The following UNC5C variants were observed in gnomAD, a reference collection of about 807,000 sequenced individuals.
The protein encoded by UNC5C is netrin receptor UNC5C.
A neutral mutation model predicts 99.8 loss-of-function variants in UNC5C; 47 were observed. The ratio of observed to expected loss-of-function variants is 0.47; its 90% confidence interval spans 0.37 to 0.60. The LOEUF (loss-of-function observed/expected upper bound fraction) is 0.60. Among genes scored for constraint, UNC5C ranks in the 20% least tolerant of loss-of-function variants. The probability of loss-of-function intolerance (pLI) is 0.00; values close to 1 mark genes in which losing one functional copy is unlikely to be tolerated. For synonymous variants in UNC5C, 487 were observed against 452.2 expected (o/e 1.08, Z -0.98); for missense variants, 1,062 against 1,165.9 (o/e 0.91, Z 1.30).
intron 12 of UNC5C, among the ~76,000 whole-genome samples, chr4:95,189,471 A>G (rs564923794): frequency 6.6e-6 from 1 of 152,342 alleles, no homozygotes; most frequent in Non-Finnish European, 1.5e-5. Flanking sequence ...CAATGGCAAC[A>G]GAAGCCAAAA....
chr4:95,542,589 C>T (rs1198097703), intron 1 of UNC5C, among the ~76,000 whole-genome samples: 1 of 152,146 alleles, frequency 6.6e-6, no homozygotes, highest in East Asian at 1.9e-4. Context: ...ATTTCAAAAT[C>T]TCATTATATA....
intron 3 of UNC5C, among the ~76,000 whole-genome samples, chr4:95,285,972 T>C (rs577425005): frequency 6.6e-6 from 1 of 152,282 alleles, no homozygotes; most frequent in Admixed American, 6.5e-5. Context: ...GACTATCCAT[T>C]TGACCTTAAG....
intron 1 of UNC5C, among the ~76,000 whole-genome samples, chr4:95,360,777 T>C (rs1744365369): frequency 1.3e-5 from 2 of 152,140 alleles, no homozygotes; most frequent in African/African-American, 2.4e-5. Context: ...ATTTCCTTTC[T>C]CCAAGGCCTC....
At chr4:95,535,271 C>A (rs1415306032) in intron 1 of UNC5C, among the ~76,000 whole-genome samples, 3 of 151,974 alleles carry the variant, frequency 2.0e-5, no homozygotes, top group African/African-American at 7.2e-5. Flanking sequence ...TTAAAACATA[C>A]CAATTTATTT....
chr4:95,523,864 T>C (rs1440011135), intron 1 of UNC5C, among the ~76,000 whole-genome samples: 3 of 152,170 alleles, frequency 2.0e-5, no homozygotes, highest in African/African-American at 7.2e-5. Context: ...AAGCTTTAAT[T>C]CCATTTCTAT....
At chr4:95,271,347 C>T (rs896436070) in intron 4 of UNC5C, among the ~76,000 whole-genome samples, 3 of 152,138 alleles carry the variant, frequency 2.0e-5, no homozygotes, top group Admixed American at 2.0e-4. Context: ...CCTGCCTCAG[C>T]CTCCCGCGTA....
chr4:95,268,330 A>G (rs1740528959), intron 4 of UNC5C, among the ~76,000 whole-genome samples: 1 of 152,214 alleles, frequency 6.6e-6, no homozygotes, highest in South Asian at 2.1e-4. Context: ...AGTTCAGGAT[A>G]AATAAACAAC....
At chr4:95,377,480 A>G (rs1162748190) in intron 1 of UNC5C, among the ~76,000 whole-genome samples, 1 of 152,220 alleles carries the variant, frequency 6.6e-6, no homozygotes, top group Non-Finnish European at 1.5e-5. Context: ...TGGCAAGTGA[A>G]ACCGCTTTGG....
At chr4:95,312,534 T>C (rs573169430) in intron 2 of UNC5C, among the ~76,000 whole-genome samples, 5 of 152,164 alleles carry the variant, frequency 3.3e-5, no homozygotes, top group Admixed American at 6.6e-5. Flanking sequence ...TCCTTGGGGA[T>C]TCATACTGTC....
At chr4:95,438,895 T>C (rs1459531493) in intron 1 of UNC5C, among the ~76,000 whole-genome samples, 5 of 152,190 alleles carry the variant, frequency 3.3e-5, no homozygotes, top group Non-Finnish European at 1.5e-5. Context: ...TCTAGATACC[T>C]ATCTTCTCCT....
chr4:95,415,089 T>C (rs986480577), intron 1 of UNC5C, among the ~76,000 whole-genome samples: 1 of 152,124 alleles, frequency 6.6e-6, no homozygotes, highest in African/African-American at 2.4e-5. Flanking sequence ...GTCTTCTGGA[T>C]ACTTTAGCCA....
At chr4:95,331,819 T>C (rs993294562) in intron 2 of UNC5C, among the ~76,000 whole-genome samples, 7 of 152,058 alleles carry the variant, frequency 4.6e-5, no homozygotes, top group African/African-American at 1.7e-4. Flanking sequence ...GTTACCAACA[T>C]AGCATGAAAT....
intron 1 of UNC5C, among the ~76,000 whole-genome samples, chr4:95,465,496 C>T (rs1352553631): frequency 6.6e-6 from 1 of 151,564 alleles, no homozygotes; most frequent in African/African-American, 2.4e-5. Flanking sequence ...CACAAAATGT[C>T]CTAGCTCCTC....
chr4:95,464,723 G>A (rs544248110), intron 1 of UNC5C, among the ~76,000 whole-genome samples: 25 of 152,172 alleles, frequency 1.6e-4, no homozygotes, highest in African/African-American at 6.0e-4. Context: ...ACAAATCACT[G>A]TCTTATTTTC....
chr4:95,419,984 T>C (rs1230203349), intron 1 of UNC5C, among the ~76,000 whole-genome samples: 1 of 152,168 alleles, frequency 6.6e-6, no homozygotes, highest in Non-Finnish European at 1.5e-5. Context: ...ACACAATACT[T>C]CCACAATTTT....
At chr4:95,339,289 C>T (rs1397996246) in intron 1 of UNC5C, among the ~76,000 whole-genome samples, 1 of 151,952 alleles carries the variant, frequency 6.6e-6, no homozygotes, top group Non-Finnish European at 1.5e-5. Context: ...CATCAAAGGT[C>T]CTCTGTTCCA....
intron 4 of UNC5C, among the ~76,000 whole-genome samples, chr4:95,256,699 A>ATATATATATATAT (rs1553958327): frequency 5.7e-4 from 52 of 90,676 alleles, no homozygotes; most frequent in Middle Eastern, 4.9e-3. Flanking sequence ...GAACTAAATA[A>ATATATATATATAT]ATATATATAT....
rs533749746 is a variant in UNC5C at position 95,303,505 on chromosome 4, A to G, written c.347-1756T>C. Among the ~76,000 whole-genome samples, 25 of 152,244 alleles carry G rather than the reference A, an allele frequency of 1.6e-4. No homozygotes were observed. In the East Asian group the frequency reaches 4.8e-3, roughly 29 times the overall value. On this transcript the variant is annotated intron_variant, in intron 2 of 15. Transcript: ENST00000453304. Reference sequence around the variant, plus strand: ...AGTCTTGCCAACATGGTGAAACCCTATCTCTACTAAAAATACAAAAATTAG... The same window carrying G: ...AGTCTTGCCAACATGGTGAAACCCTGTCTCTACTAAAAATACAAAAATTAG...
intron 1 of UNC5C, among the ~76,000 whole-genome samples, chr4:95,422,213 A>G (rs1408208022): frequency 6.6e-6 from 1 of 152,224 alleles, no homozygotes; most frequent in Non-Finnish European, 1.5e-5. Context: ...GCATTTGCAT[A>G]GTAATATTAA....
Sources: gnomAD v4.1 joint callset for allele counts (sites outside exome capture counted in the v4.1 genomes callset) on GRCh38, gnomAD v4.1.1 for gene constraint, MANE v1.5 for transcripts, NCBI Gene and HGNC (gene_info 2026-07-23, HGNC 2026-07-21) for gene names.